The following ARMH3 variants were observed in gnomAD, a reference collection of about 807,000 sequenced individuals.
The protein encoded by ARMH3 is armadillo-like helical domain-containing protein 3.
In ARMH3, 60 loss-of-function variants were observed where a neutral mutation model predicts 99.1. The ratio of observed to expected loss-of-function variants is 0.61; its 90% CI spans 0.49 to 0.75. The LOEUF (loss-of-function observed/expected upper bound fraction) is 0.75, where lower values mean the gene tolerates loss of function less well. ARMH3 is among the 30% of genes least tolerant of loss of function. ARMH3 has a pLI of 0.00. For missense variants in ARMH3, 679 were observed against 843.1 expected, an observed-to-expected ratio of 0.81 and a Z score of 2.41; for synonymous variants, 285 against 292.8, an observed-to-expected ratio of 0.97 and a Z score of 0.27.
chr10:102,005,137 C>A (rs1034732083), intron 14 of ARMH3, among the ~76,000 whole-genome samples: 1 of 152,034 alleles, frequency 6.6e-6, no homozygotes, highest in Non-Finnish European at 1.5e-5. Context: ...GTGGAGGTTG[C>A]GGTGAGCTGA....
chr10:102,001,647 C>T (rs1304918405), intron 15 of ARMH3, among the ~76,000 whole-genome samples: 6 of 152,326 alleles, frequency 3.9e-5, no homozygotes, highest in East Asian at 1.9e-4. Context: ...TTCCCTGAAG[C>T]GTGCTAATCC....
At chr10:102,055,347 CT>C (rs1258663708) in intron 1 of ARMH3, among the ~76,000 whole-genome samples, 2 of 152,094 alleles carry the variant, frequency 1.3e-5, no homozygotes, top group African/African-American at 4.8e-5. Context: ...AAAAAACTTT[CT>C]GGAGAGGAAG....
At chr10:101,985,403 TATATGTGTGTGC>T (rs1228654855) in intron 19 of ARMH3, among the ~76,000 whole-genome samples, 1 of 151,692 alleles carries the variant, frequency 6.6e-6, no homozygotes, top group Admixed American at 6.6e-5. Context: ...CATACATGTG[TATATGTGTGTGC>T]ATATATATAT....
intron 19 of ARMH3, among the ~76,000 whole-genome samples, chr10:101,987,013 G>A (rs564465046): frequency 2.5e-4 from 38 of 152,316 alleles, no homozygotes; most frequent in Non-Finnish European, 4.4e-4. Flanking sequence ...GAACAAGGGC[G>A]AGGAGGGAGT....
At chr10:101,993,863 C>T (rs1436908660) in intron 16 of ARMH3, among the ~76,000 whole-genome samples, 1 of 152,200 alleles carries the variant, frequency 6.6e-6, no homozygotes, top group African/African-American at 2.4e-5. Context: ...GGACTTAAGG[C>T]AGATGCTGAG....
intron 24 of ARMH3, among the ~76,000 whole-genome samples, chr10:101,873,531 A>G (rs998931654): frequency 6.6e-6 from 1 of 152,170 alleles, no homozygotes; most frequent in Non-Finnish European, 1.5e-5. Flanking sequence ...AAAGTGTACA[A>G]TTCAATGATT....
At chr10:101,903,470 A>C (rs538973116) in intron 23 of ARMH3, among the ~76,000 whole-genome samples, 1 of 152,224 alleles carries the variant, frequency 6.6e-6, no homozygotes, top group Non-Finnish European at 1.5e-5. Context: ...AAGAGTAGAC[A>C]AAAGGTATCA....
chr10:101,976,134 G>A (rs1193276180), intron 19 of ARMH3, among the ~76,000 whole-genome samples: 42 of 127,318 alleles, frequency 3.3e-4, no homozygotes, highest in African/African-American at 1.2e-3. Context: ...ACGCCATTGC[G>A]CTCCAGCCTG....
chr10:101,877,543 C>T (rs1459004905), intron 24 of ARMH3, among the ~76,000 whole-genome samples: 1 of 152,042 alleles, frequency 6.6e-6, no homozygotes, highest in Non-Finnish European at 1.5e-5. Context: ...GCCTGTAATC[C>T]CAGCTATTCA....
At chr10:101,914,843 G>T (rs561992978) in intron 23 of ARMH3, among the ~76,000 whole-genome samples, 1 of 141,204 alleles carries the variant, frequency 7.1e-6, no homozygotes, top group Non-Finnish European at 1.5e-5. Flanking sequence ...CTCCAGCCTA[G>T]GTGACAGTGA....
intron 23 of ARMH3, among the ~76,000 whole-genome samples, chr10:101,909,449 G>T (rs1590002176): frequency 1.5e-5 from 2 of 132,462 alleles, no homozygotes; most frequent in African/African-American, 2.8e-5. Flanking sequence ...AGGAAGGTAT[G>T]TTGCAAGCTT....
chr10:101,898,144 C>T (rs890071674), intron 23 of ARMH3, among the ~76,000 whole-genome samples: 2 of 151,450 alleles, frequency 1.3e-5, no homozygotes, highest in Non-Finnish European at 2.9e-5. Context: ...CTTTGCGAGG[C>T]TGAAGTGGGA....
intron 17 of ARMH3, 112 bp from the exon 18 acceptor site, chr10:101,992,150 T>G (rs1439099263): frequency 2.2e-6 from 2 of 909,736 alleles, no homozygotes; most frequent in African/African-American, 3.3e-5. Context: ...GGATACTTCC[T>G]TTTCTTTCTC....
At chr10:101,977,654 T>C (rs1465924040) in intron 19 of ARMH3, among the ~76,000 whole-genome samples, 1 of 152,264 alleles carries the variant, frequency 6.6e-6, no homozygotes, top group African/African-American at 2.4e-5. Context: ...AAGAGGTGAC[T>C]GGGTCATGAG....
At chr10:101,852,576 T>C (rs2066628424) in intron 24 of ARMH3, among the ~76,000 whole-genome samples, 1 of 151,982 alleles carries the variant, frequency 6.6e-6, no homozygotes, top group South Asian at 2.1e-4. Context: ...GCCAACATGG[T>C]GAAACACCAT....
chr10:102,045,849 C>G (rs1174350552), intron 1 of ARMH3, among the ~76,000 whole-genome samples: 2 of 152,116 alleles, frequency 1.3e-5, no homozygotes, highest in Non-Finnish European at 2.9e-5. Context: ...AATCCCAGCA[C>G]TTTGGGAGGC....
At chr10:101,872,525 C>A (rs561246287) in intron 24 of ARMH3, among the ~76,000 whole-genome samples, 1 of 151,984 alleles carries the variant, frequency 6.6e-6, no homozygotes, top group South Asian at 2.1e-4. Context: ...GGTGAAAACC[C>A]GTCTCTACTA....
chr10:101,848,022 T>A (rs2066501960), intron 25 of ARMH3, among the ~76,000 whole-genome samples: 1 of 152,214 alleles, frequency 6.6e-6, no homozygotes, highest in Non-Finnish European at 1.5e-5. Context: ...ACCACCTCTC[T>A]TTAGATGTGT....
chr10:101,955,558 C>T (rs938935205), intron 22 of ARMH3, among the ~76,000 whole-genome samples: 11 of 152,238 alleles, frequency 7.2e-5, no homozygotes, highest in Non-Finnish European at 1.5e-4. Flanking sequence ...GGCAATCCTT[C>T]TTTTCCACTG....
Sources: allele counts gnomAD v4.1 joint callset (sites outside exome capture counted in the v4.1 genomes callset), GRCh38; gene constraint gnomAD v4.1.1; transcripts MANE v1.5; gene names NCBI Gene and HGNC (gene_info 2026-07-23, HGNC 2026-07-21).